Variants in MAML2 observed in about 807,000 individuals in gnomAD.
The protein encoded by MAML2 is mastermind-like protein 2.
Under a neutral mutation model 96.1 loss-of-function variants are expected in MAML2, and 22 were observed. The ratio of observed to expected loss-of-function variants is 0.23; its 90% confidence interval spans 0.16 to 0.33. The LOEUF is 0.33. Among genes scored for constraint, MAML2 ranks in the 10% least tolerant of loss-of-function variants. The probability of loss-of-function intolerance (pLI) is 1.00; values close to 1 mark genes in which losing one functional copy is unlikely to be tolerated. For synonymous variants in MAML2, 561 were observed against 521.3 expected (o/e 1.08, Z -1.04); for missense variants, 1,367 against 1,392.4 (o/e 0.98, Z 0.29).
intron 1 of MAML2, among the ~76,000 whole-genome samples, chr11:96,207,500 C>G (rs1323323416): frequency 1.3e-5 from 2 of 152,228 alleles, no homozygotes; most frequent in Non-Finnish European, 2.9e-5. Flanking sequence ...GGGGCGGCCT[C>G]TTTTACCTAT....
At chr11:96,161,035 C>T (rs1202096927) in intron 1 of MAML2, among the ~76,000 whole-genome samples, 1 of 152,172 alleles carries the variant, frequency 6.6e-6, no homozygotes, top group African/African-American at 2.4e-5. Context: ...TATCAGTGAC[C>T]TCAATTTCTG....
At chr11:96,143,821 A>G (rs748962059) in intron 1 of MAML2, among the ~76,000 whole-genome samples, 1 of 152,198 alleles carries the variant, frequency 6.6e-6, no homozygotes, top group Non-Finnish European at 1.5e-5. Flanking sequence ...CCTTACTTGA[A>G]CTGGATTTCA....
At chr11:96,066,778 C>T (rs1859251399) in intron 2 of MAML2, among the ~76,000 whole-genome samples, 1 of 152,094 alleles carries the variant, frequency 6.6e-6, no homozygotes, top group Non-Finnish European at 1.5e-5. Context: ...CAGACAGATA[C>T]TAACAAAAAC....
intron 1 of MAML2, among the ~76,000 whole-genome samples, chr11:96,206,955 AC>A (rs1321535088): frequency 6.6e-6 from 1 of 152,236 alleles, no homozygotes; most frequent in Non-Finnish European, 1.5e-5. Flanking sequence ...ATGAAGTGTT[AC>A]CAGCATAAAA....
chr11:95,985,492 TCACAG>T (rs1443892016), intron 4 of MAML2, 34 bp downstream of exon 4: 3 of 1,260,180 alleles, frequency 2.4e-6, no homozygotes, highest in Admixed American at 4.6e-5. Context: ...TTTTTTCCTT[TCACAG>T]CTATAATTTT....
At chr11:96,171,594 A>T (rs1861298493) in intron 1 of MAML2, among the ~76,000 whole-genome samples, 1 of 152,236 alleles carries the variant, frequency 6.6e-6, no homozygotes, top group Non-Finnish European at 1.5e-5. Context: ...TCTGGTTGTC[A>T]ATGCAGTCAT....
At chr11:96,068,328 A>C (rs1859276229) in intron 2 of MAML2, among the ~76,000 whole-genome samples, 1 of 152,090 alleles carries the variant, frequency 6.6e-6, no homozygotes, top group South Asian at 2.1e-4. Flanking sequence ...GACTTTTCAA[A>C]TACAGAGGTA....
At chr11:96,109,847 G>T (rs1404540118) in intron 1 of MAML2, among the ~76,000 whole-genome samples, 4 of 152,216 alleles carry the variant, frequency 2.6e-5, no homozygotes, top group Admixed American at 2.6e-4. Context: ...TGGTCTGTCT[G>T]TGCAGATTGG....
chr11:96,322,415 T>A (rs1195131934), intron 1 of MAML2, among the ~76,000 whole-genome samples: 1 of 152,020 alleles, frequency 6.6e-6, no homozygotes. Flanking sequence ...AAGAAGAAAA[T>A]GGGCGGGGCA....
rs58470055 is a variant in MAML2 at position 96,148,659 on chromosome 11, T to TACACACACACACAC, written c.514-55156_514-55143dup. 2.9e-3 allele frequency among the ~76,000 whole-genome samples: 378 copies of TACACACACACACAC among 131,950 alleles called. 5 individuals carry two copies. Among genetic ancestry groups the TACACACACACACAC allele is most frequent in the African/African-American group, 6.8e-3 (233 of 34,332 alleles). 86.6% of individuals were successfully genotyped at this position (131,950 alleles called of 152,430 possible). ...TGAAAAGTCTGAAAATTCTGAAAAA[T>TACACACACACACAC]ACACACACACACACACACACACACA... On this transcript the variant is annotated intron_variant, in intron 1 of 4. Transcript: ENST00000524717.
intron 1 of MAML2, among the ~76,000 whole-genome samples, chr11:96,211,431 T>C (rs559693303): frequency 1.4e-5 from 2 of 145,740 alleles, no homozygotes; most frequent in South Asian, 2.2e-4. Context: ...TCCAATGTGA[T>C]AGGGTCTTTG....
chr11:96,062,722 T>G (rs1859183732), intron 2 of MAML2, among the ~76,000 whole-genome samples: 1 of 152,226 alleles, frequency 6.6e-6, no homozygotes, highest in Non-Finnish European at 1.5e-5. Flanking sequence ...CAGTCCATTT[T>G]TAACATCTGT....
chr11:96,014,307 A>T (rs1459370789), intron 2 of MAML2, among the ~76,000 whole-genome samples: 1 of 152,186 alleles, frequency 6.6e-6, no homozygotes, highest in Non-Finnish European at 1.5e-5. Context: ...CAAAAAGACT[A>T]CCTTATTATT....
Position 95,979,028 on chromosome 11 carries a change from A to C in MAML2, c.3391T>G (p.Ser1131Ala), listed in dbSNP as rs773415316. Residue 1131 changes from serine to alanine, a missense_variant, in exon 5 of 5, where the codon TCT becomes GCT. Physicochemically the swap from Ser to Ala is moderately conservative, Grantham distance 99. Transcript: ENST00000524717. ...ALNSDADFID[S>A]LLKTEPGNDD... ...TTACCAGGCTCTGTCTTCAATAAAG[A>C]ATCAATGAAATCAGCATCACTGTTT... The C allele has an allele frequency of 1.9e-6, 3 of 1,614,010 alleles. No homozygotes were observed. The highest frequency in any genetic ancestry group is 1.7e-6 in the Non-Finnish European group (2 of 1,179,886).
At chr11:95,986,372 AT>A (rs934935273) in intron 3 of MAML2, among the ~76,000 whole-genome samples, 3 of 149,850 alleles carry the variant, frequency 2.0e-5, no homozygotes, top group South Asian at 4.2e-4. Flanking sequence ...AAATTTTTGT[AT>A]TTTTTTTTAA....
intron 2 of MAML2, among the ~76,000 whole-genome samples, chr11:96,008,862 G>C (rs926485276): frequency 6.6e-6 from 1 of 152,180 alleles, no homozygotes; most frequent in East Asian, 1.9e-4. Flanking sequence ...TGATTTCCTT[G>C]ATAGATTTTT....
At chr11:96,103,928 G>A (rs1408404602) in intron 1 of MAML2, among the ~76,000 whole-genome samples, 4 of 152,150 alleles carry the variant, frequency 2.6e-5, no homozygotes, top group African/African-American at 9.7e-5. Flanking sequence ...TCAGATGCAG[G>A]CCTTTTGCAT....
chr11:96,165,391 C>A (rs1488722032), intron 1 of MAML2, among the ~76,000 whole-genome samples: 1 of 152,124 alleles, frequency 6.6e-6, no homozygotes, highest in Non-Finnish European at 1.5e-5. Context: ...GTCTGGCAAA[C>A]ACACTTTAAG....
At chr11:96,241,308 G>A (rs1281377395) in intron 1 of MAML2, among the ~76,000 whole-genome samples, 1 of 152,096 alleles carries the variant, frequency 6.6e-6, no homozygotes, top group South Asian at 2.1e-4. Context: ...GGTCCTTCTG[G>A]GAAGATCAGT....
Sources: gnomAD v4.1 joint callset for allele counts (sites outside exome capture counted in the v4.1 genomes callset) on GRCh38, gnomAD v4.1.1 for gene constraint, MANE v1.5 for transcripts, NCBI Gene and HGNC (gene_info 2026-07-23, HGNC 2026-07-21) for gene names.